The following KDM4D variants were observed in gnomAD, a reference collection of about 807,000 sequenced individuals.
KDM4D encodes lysine demethylase 4D.
For missense variants in KDM4D, 427 were observed against 674.8 expected (o/e 0.63, Z 4.07); for synonymous variants, 254 against 249.1 (o/e 1.02, Z -0.19).
chr11:94,980,060 T>C (rs587722343), intron 2 of KDM4D, among the ~76,000 whole-genome samples: 1 of 152,350 alleles, frequency 6.6e-6, no homozygotes, highest in East Asian at 1.9e-4. Context: ...ATTTCTATGA[T>C]TTCTTAAGTT....
intron 2 of KDM4D, among the ~76,000 whole-genome samples, chr11:94,994,938 T>C (rs1482695250): frequency 6.6e-6 from 1 of 152,108 alleles, no homozygotes. Context: ...GTGGGAAATG[T>C]TGATTTAAGG....
chr11:94,977,897 C>T (rs183165570), intron 2 of KDM4D, among the ~76,000 whole-genome samples: 13 of 151,934 alleles, frequency 8.6e-5, no homozygotes, highest in African/African-American at 2.2e-4. Flanking sequence ...AATGAATGGA[C>T]GAATGAAAGA....
intron 2 of KDM4D, among the ~76,000 whole-genome samples, chr11:94,995,020 G>A (rs587675493): frequency 3.9e-5 from 6 of 152,210 alleles, no homozygotes; most frequent in Admixed American, 3.9e-4. Context: ...TGAGAAACAT[G>A]GGGTGTAATC....
At chr11:94,995,548 G>C (rs1857968834) in intron 2 of KDM4D, among the ~76,000 whole-genome samples, 1 of 152,150 alleles carries the variant, frequency 6.6e-6, no homozygotes, top group Non-Finnish European at 1.5e-5. Flanking sequence ...GTTTGGGAGA[G>C]AGAATGTGGG....
At position 94,998,799 on chromosome 11, in the gene KDM4D, T is replaced by C; in HGVS notation, c.1427T>C (p.Leu476Ser). 6.2e-7 allele frequency: 1 copy of C among 1,606,256 alleles called. No homozygotes were observed. Among genetic ancestry groups the C allele is most frequent in the Non-Finnish European group, 8.5e-7 (1 of 1,174,792 alleles). Residue 476 changes from leucine to serine, a missense_variant, in exon 3 of 3, where the codon TTG becomes TCG. Physicochemically the swap from Leu to Ser is moderately radical, Grantham distance 145. Transcript: ENST00000335080. The surrounding 1 kb of genome is among the most constrained non-coding windows in gnomAD (Gnocchi z 6.7). ...CAGACTCCAGCCAAGAGGCCCCTCTTGGCGGGCACAACATGCACAGCTTCG... is the reference window on the plus strand; with the variant it reads ...CAGACTCCAGCCAAGAGGCCCCTCTCGGCGGGCACAACATGCACAGCTTCG... The part of the protein sequence containing the change: ...TLQTPAKRPL[L>S]AGTTCTASGP...
chr11:94,996,148 T>G (rs1555099201), intron 2 of KDM4D, among the ~76,000 whole-genome samples: 1 of 152,258 alleles, frequency 6.6e-6, no homozygotes, highest in African/African-American at 2.4e-5. Flanking sequence ...AGTCGTTCTT[T>G]CTTTTCCTTT....
rs1555099654 is a variant in KDM4D at position 94,998,794 on chromosome 11, C to T, written c.1422C>T (p.Pro474=). ...CCCTCCAGACTCCAGCCAAGAGGCCCCTCTTGGCGGGCACAACATGCACAG... is the reference window on the plus strand; with the variant it reads ...CCCTCCAGACTCCAGCCAAGAGGCCTCTCTTGGCGGGCACAACATGCACAG... The part of the protein sequence containing the change: ...ELTLQTPAKR[P]LLAGTTCTAS... The change falls in exon 3 of 3, where the codon CCC becomes CCT. Residue 474 remains proline, a synonymous_variant. Coordinates refer to ENST00000335080, the MANE Select transcript of KDM4D (RefSeq NM_018039.3). This position sits in a 1 kb window ranked among gnomAD's most constrained non-coding sequence, Gnocchi z 6.7. 1.9e-6 allele frequency: 3 copies of T among 1,606,662 alleles called. No individual in the cohort carries two copies. The highest frequency in any genetic ancestry group is 2.7e-5 in the African/African-American group (2 of 74,628).
At chr11:94,985,116 G>C (rs925140886) in intron 2 of KDM4D, among the ~76,000 whole-genome samples, 1 of 152,144 alleles carries the variant, frequency 6.6e-6, no homozygotes, top group African/African-American at 2.4e-5. Flanking sequence ...CACTGCCAGG[G>C]TAATTAGGCA....
rs782226216 is a variant in KDM4D at position 94,978,301 on chromosome 11, GA to G, written c.-350+2563del. 8.0e-5 allele frequency among the ~76,000 whole-genome samples: 12 copies of G among 149,504 alleles called. No homozygotes were observed. The East Asian group carries it at 1.2e-3, about 15-fold the overall frequency. ...CTTTGTGGCTTTTAAATAGGAATAC[GA>G]AAAAAAAAATGCCCACATGTCAGAA... On this transcript the variant is annotated intron_variant, in intron 2 of 2. Transcript: ENST00000335080.
At chr11:94,989,352 G>A (rs1857914251) in intron 2 of KDM4D, among the ~76,000 whole-genome samples, 1 of 152,112 alleles carries the variant, frequency 6.6e-6, no homozygotes, top group African/African-American at 2.4e-5. Flanking sequence ...TCAATGGAGT[G>A]GTGTGTCCTT....
chr11:94,997,759 C>G lies in KDM4D; in HGVS notation c.387C>G (p.Arg129=). 6.2e-7 allele frequency: 1 copy of G among 1,614,228 alleles called. No individual in the cohort carries two copies. Among genetic ancestry groups the G allele is most frequent in the Non-Finnish European group, 8.5e-7 (1 of 1,180,044 alleles). ...TGGAGCGAAAATACTGGAAGAACCG[C>G]ATCTATAATTCACCGATTTATGGTG... ...EDLERKYWKN[R]IYNSPIYGAD... The change falls in exon 3 of 3, where the codon CGC becomes CGG. Residue 129 remains arginine (R), a synonymous_variant. Coordinates refer to ENST00000335080, the MANE Select transcript of KDM4D (RefSeq NM_018039.3).
chr11:94,994,895 C>T (rs1422068311), intron 2 of KDM4D, among the ~76,000 whole-genome samples: 2 of 151,906 alleles, frequency 1.3e-5, no homozygotes, highest in African/African-American at 2.4e-5. Flanking sequence ...AGAAAAATAA[C>T]TGATTATTTA....
Position 94,997,616 on chromosome 11 carries a change from C to T in KDM4D, c.244C>T (p.Arg82Trp), listed in dbSNP as rs1857986170. ...TCCCCTCCAGCAGGTGGCCTCTGGGCGGGCAGGGGTGTTTACTCAATACCA... is the reference window on the plus strand; with the variant it reads ...TCCCCTCCAGCAGGTGGCCTCTGGGTGGGCAGGGGTGTTTACTCAATACCA... ...ATPLQQVASGRAGVFTQYHKK... is the reference protein window; with the variant it reads ...ATPLQQVASGWAGVFTQYHKK... Residue 82 changes from arginine to tryptophan, a missense_variant, in exon 3 of 3, where the codon CGG (arginine) becomes TGG (tryptophan). Arg to Trp is a moderately radical substitution (Grantham distance 101). Coordinates refer to ENST00000335080, the MANE Select transcript of KDM4D (RefSeq NM_018039.3). 5.6e-6 allele frequency: 9 copies of T among 1,613,424 alleles called. No homozygotes were observed. The highest frequency in any genetic ancestry group is 1.7e-5 in the Admixed American group (1 of 59,874).
intron 2 of KDM4D, among the ~76,000 whole-genome samples, chr11:94,986,779 T>C (rs1271792513): frequency 1.3e-5 from 2 of 152,228 alleles, no homozygotes; most frequent in African/African-American, 2.4e-5. Flanking sequence ...ACGTTAAACA[T>C]GGAGTTATCA....
intron 2 of KDM4D, among the ~76,000 whole-genome samples, chr11:94,985,378 T>A (rs1565418169): frequency 6.6e-6 from 1 of 152,168 alleles, no homozygotes; most frequent in Non-Finnish European, 1.5e-5. Flanking sequence ...TCAAAATGCT[T>A]AGGAATAAAT....
chr11:94,982,399 T>A (rs10501818), intron 2 of KDM4D, among the ~76,000 whole-genome samples: 92,014 of 151,526 alleles, frequency 0.61, 28,568 homozygotes, highest in Middle Eastern at 0.73. Flanking sequence ...TCAGCTTAGA[T>A]GGTAAATGAT....
rs373516844 is a variant in KDM4D, at chr11:94,998,929, G to C, written c.1557G>C (p.Trp519Cys). The change falls in exon 3 of 3, where the codon TGG (tryptophan) becomes TGC (cysteine). Residue 519 changes from tryptophan to cysteine, a missense_variant. Transcript: ENST00000335080. This position sits in a 1 kb window ranked among gnomAD's most constrained non-coding sequence, Gnocchi z 6.7. ...CTGTCAAGGCTTCTGGGTGCAGCTG[G>C]GCCCCTGTGCCCTAAGTCCACGGGC... ...QHPVKASGCSWAPVP is the reference protein window; with the variant it reads ...QHPVKASGCSCAPVP The C allele has an allele frequency of 1.1e-4, 171 of 1,510,196 alleles. No homozygotes were observed. Among genetic ancestry groups the C allele is most frequent in the Non-Finnish European group, 1.5e-4 (169 of 1,129,240 alleles). 93.5% of individuals were successfully genotyped at this position (1,510,196 alleles called of 1,614,324 possible).
At chr11:94,996,319 G>T (rs1295377185) in intron 2 of KDM4D, among the ~76,000 whole-genome samples, 1 of 152,084 alleles carries the variant, frequency 6.6e-6, no homozygotes, top group Non-Finnish European at 1.5e-5. Flanking sequence ...GTTCTGAACA[G>T]ATTAACTTTA....
intron 2 of KDM4D, among the ~76,000 whole-genome samples, chr11:94,992,797 CAAT>C (rs2134115051): frequency 6.6e-6 from 1 of 151,998 alleles, no homozygotes; most frequent in South Asian, 2.1e-4. Context: ...AATAGCTGTC[CAAT>C]AATACAGGAT....
Sources: allele counts gnomAD v4.1 joint callset (sites outside exome capture counted in the v4.1 genomes callset), GRCh38; gene constraint gnomAD v4.1.1; non-coding constraint Gnocchi (gnomAD v3.1); transcripts MANE v1.5; gene names NCBI Gene and HGNC (gene_info 2026-07-23, HGNC 2026-07-21).